The following CAPN15 variants were observed in gnomAD, a reference collection of about 807,000 sequenced individuals.
CAPN15 encodes the protein calpain-15.
CAPN15 carries 53 observed loss-of-function variants against 97.9 expected under a neutral mutation model. The observed-to-expected ratio is 0.54, with a 90% confidence interval of 0.43 to 0.68. The LOEUF is 0.68. Ranked by LOEUF, CAPN15 falls within the 30% of genes least tolerant of loss-of-function variation. CAPN15 has a pLI of 0.00. For missense variants in CAPN15, 1,592 were observed against 1,589.8 expected (o/e 1.00, Z -0.02); for synonymous variants, 922 against 722.5 (o/e 1.28, Z -4.43).
In CAPN15 at chr16:547,671, C is replaced by CGGGCT. The variant is rs758912826; in HGVS notation, c.842_846dup (p.Ala283LeufsTer6). On this transcript the variant is annotated frameshift_variant, in exon 4 of 14. Coordinates refer to ENST00000219611, the MANE Select transcript of CAPN15 (RefSeq NM_005632.3). LOFTEE classifies it high-confidence loss of function. ...GGCTGCAGGGGAGCCCCCCAGGGCT[C>CGGGCT]GGGCTGGGCTGGGGCCTCCCGCCTA... 3 of 1,581,692 alleles carry CGGGCT rather than the reference C, an allele frequency of 1.9e-6. No homozygotes were observed. The highest frequency in any genetic ancestry group is 2.6e-6 in the Non-Finnish European group (3 of 1,162,968).
chr16:539,898 T>G, intron 3 of CAPN15: 1 of 165,222 alleles, frequency 6.1e-6, no homozygotes, highest in Non-Finnish European at 1.2e-5. Context: ...CCGGGGGGTG[T>G]CCTAGGGCCC....
In CAPN15 at chr16:552,384, G is replaced by A; in HGVS notation, c.2591G>A (p.Ser864Asn). ...ACGTTCGGCAGCGGCGGCCACCTCA[G>A]CCTGGGCCGCCTCCTGGCCCACAGT... ...RATFGSGGHL[S>N]LGRLLAHSKR... Residue 864 changes from serine (S) to asparagine (N), a missense_variant, in exon 11 of 14, where the codon AGC (serine) becomes AAC (asparagine). By Grantham distance (46) the Ser-to-Asn change is conservative. Around this residue, in one of 3 missense-constraint regions of CAPN15, gnomAD observed 644 missense variants for 699.6 expected, o/e 0.92. Transcript: ENST00000219611. The surrounding 1 kb of genome is among the most constrained non-coding windows in gnomAD (Gnocchi z 6.4). The A allele has an allele frequency of 6.2e-7, 1 of 1,604,448 alleles. No homozygotes were observed. The highest frequency in any genetic ancestry group is 8.5e-7 in the Non-Finnish European group (1 of 1,178,188).
intron 3 of CAPN15, among the ~76,000 whole-genome samples, chr16:542,697 C>T (rs891690926): frequency 1.3e-5 from 2 of 152,174 alleles, no homozygotes; most frequent in Admixed American, 6.5e-5. Flanking sequence ...AAGAGAACCT[C>T]CCATCTCAGC....
Position 553,476 on chromosome 16 carries a change from C to G in CAPN15, c.3221C>G (p.Thr1074Arg). 1.2e-6 allele frequency: 2 copies of G among 1,611,004 alleles called. No homozygotes were observed. The highest frequency in any genetic ancestry group is 1.1e-5 in the South Asian group (1 of 90,948). Reference sequence around the variant, plus strand: ...AAGGGGACCCACAGCCCCCCACTCACGCCAGAGGTCGCCGGTCTGCATGGG... The same window carrying G: ...AAGGGGACCCACAGCCCCCCACTCAGGCCAGAGGTCGCCGGTCTGCATGGG... ...ASKGTHSPPL[T>R]PEVAGLHGPR... is the part of the protein sequence containing the mutation. Residue 1074 changes from threonine (T) to arginine (R), a missense_variant, in exon 14 of 14, where the codon ACG (threonine) becomes AGG (arginine). Around this residue, in one of 3 missense-constraint regions of CAPN15, gnomAD observed 644 missense variants for 699.6 expected, o/e 0.92. Transcript: ENST00000219611.
rs1215423100 is a variant in CAPN15 at position 546,929 on chromosome 16, C to T, written c.91C>T (p.His31Tyr). The T allele has an allele frequency of 1.9e-6, 3 of 1,610,942 alleles. No individual in the cohort carries two copies. The highest frequency in any genetic ancestry group is 2.5e-6 in the Non-Finnish European group (3 of 1,179,894). ...GTGCTCCATCTGCGAGGCTCCCCGG[C>T]ACAAGCCCGACCTCAACCACATCCT... ...RQCSICEAPR[H>Y]KPDLNHILRL... is the part of the protein sequence containing the mutation. The change falls in exon 4 of 14, where the codon CAC becomes TAC. Residue 31 changes from histidine (H) to tyrosine (Y), a missense_variant. His to Tyr is a moderately conservative substitution (Grantham distance 83, BLOSUM62 2). Coordinates refer to ENST00000219611, the MANE Select transcript of CAPN15 (RefSeq NM_005632.3).
At chr16:550,729 TCCCCGTCGGTG>T (rs2034945446) in intron 7 of CAPN15, among the ~76,000 whole-genome samples, 1 of 26,608 alleles carries the variant, frequency 3.8e-5, no homozygotes, top group African/African-American at 1.6e-4. Flanking sequence ...TCGGTGAGGG[TCCCCGTCGGTG>T]AGGGTCCCGG....
intron 9 of CAPN15, 102 bp downstream of exon 9, chr16:551,766 C>T (rs528265128): frequency 1.3e-4 from 195 of 1,465,874 alleles, no homozygotes; most frequent in East Asian, 3.0e-4. Flanking sequence ...TGGGGTGGGG[C>T]GGCTTGTTCG....
intron 3 of CAPN15, among the ~76,000 whole-genome samples, chr16:541,682 G>A (rs1001367591): frequency 4.6e-5 from 7 of 152,242 alleles, no homozygotes; most frequent in South Asian, 2.1e-4. Flanking sequence ...TTGTGCAGCC[G>A]TCATTGCAAT....
chr16:553,327 C>A lies in CAPN15; in HGVS notation c.3084-12C>A. On this transcript the variant is annotated splice_polypyrimidine_tract_variant and intron_variant, in intron 13 of 13. Transcript: ENST00000219611. ...CTGCCCTCCACAGGTCCTCACCGGT[C>A]CCCTCCCCCAGGCAGGTCCTGGTGA... 1 of 1,575,990 alleles carries A rather than the reference C, an allele frequency of 6.3e-7. No individual in the cohort carries two copies. The highest frequency in any genetic ancestry group is 1.1e-5 in the South Asian group (1 of 89,118).
At position 552,253 on chromosome 16, in the gene CAPN15, C is replaced by G; in HGVS notation, c.2507+41C>G. ...CCCCATCGGGCTGGGCTGGGCTAGG[C>G]TGGCGGCCGTGACCACGCGTGACCC... On this transcript the variant is annotated intron_variant, in intron 10 of 13. Coordinates refer to ENST00000219611, the MANE Select transcript of CAPN15 (RefSeq NM_005632.3). This position sits in a 1 kb window ranked among gnomAD's most constrained non-coding sequence, Gnocchi z 6.4. 1 of 1,534,730 alleles carries G rather than the reference C, an allele frequency of 6.5e-7. No individual in the cohort carries two copies. Among genetic ancestry groups the G allele is most frequent in the Non-Finnish European group, 8.8e-7 (1 of 1,139,948 alleles).
At position 533,070 on chromosome 16, in the gene CAPN15, A is replaced by C. The variant is rs188958532; in HGVS notation, c.-189-876A>C. On this transcript the variant is annotated intron_variant, in intron 1 of 13. Transcript: ENST00000219611. Reference sequence around the variant, plus strand: ...ACCTCGTCTTTACTAAAAATACAAAAATTAGCTGGGCACGGTGGCGGGCGC... The same window carrying C: ...ACCTCGTCTTTACTAAAAATACAAACATTAGCTGGGCACGGTGGCGGGCGC... Among the ~76,000 whole-genome samples the C allele has an allele frequency of 1.8e-3, 273 of 151,018 alleles. 2 individuals carry two copies. Among genetic ancestry groups the C allele is most frequent in the Admixed American group, 0.018 (269 of 15,150 alleles).
In CAPN15 at chr16:553,524, GC is replaced by G; in HGVS notation, c.*10del. ...GGGCCCCGACCGCTGTGACCACCATGCCTGGGGCAGGGGCTGTGCACAGACG... is the reference window on the plus strand; with the variant it reads ...GGGCCCCGACCGCTGTGACCACCATGCTGGGGCAGGGGCTGTGCACAGACG... On this transcript the variant is annotated 3_prime_UTR_variant, in exon 14 of 14. Transcript: ENST00000219611. 1.3e-6 allele frequency: 2 copies of G among 1,595,432 alleles called. No homozygotes were observed. Among genetic ancestry groups the G allele is most frequent in the Non-Finnish European group, 1.7e-6 (2 of 1,168,468 alleles).
rs1389400026 is a variant in CAPN15, at chr16:552,004, G to A, written c.2346-47G>A. The A allele has an allele frequency of 7.2e-6, 11 of 1,527,080 alleles. No homozygotes were observed. The highest frequency in any genetic ancestry group is 4.0e-5 in the Admixed American group (2 of 50,312). 94.6% of individuals were successfully genotyped at this position (1,527,080 alleles called of 1,614,324 possible). On this transcript the variant is annotated intron_variant, in intron 9 of 13. Coordinates refer to ENST00000219611, the MANE Select transcript of CAPN15 (RefSeq NM_005632.3). This position sits in a 1 kb window ranked among gnomAD's most constrained non-coding sequence, Gnocchi z 6.4. ...TTGCGGTAGGCGCTGAGCCACGGAG[G>A]TGTGGGCCGTGGTAGGCTCAGGGCC...
At chr16:551,063 TCGGTGAGGTCCCCG>T (rs2035020160) in intron 7 of CAPN15, among the ~76,000 whole-genome samples, 3 of 111,252 alleles carry the variant, frequency 2.7e-5, no homozygotes, top group South Asian at 3.2e-4. Context: ...GGGTCCCCGG[TCGGTGAGGTCCCCG>T]GTCGGTGAGG....
chr16:544,901 C>T (rs1013759431), intron 3 of CAPN15, among the ~76,000 whole-genome samples: 4 of 143,734 alleles, frequency 2.8e-5, no homozygotes, highest in South Asian at 2.3e-4. Context: ...CCCACGTCGT[C>T]GTCTCCCCTC....
chr16:549,523 A>G lies in CAPN15; in HGVS notation c.1842+52A>G, dbSNP rs746088200. ...GGCGGCAGGGGCAGCCTCTGACCCCAGCCCCGAAAACAAGGCCGGCTGCTT... is the reference window on the plus strand; with the variant it reads ...GGCGGCAGGGGCAGCCTCTGACCCCGGCCCCGAAAACAAGGCCGGCTGCTT... On this transcript the variant is annotated intron_variant, in intron 6 of 13. Coordinates refer to ENST00000219611, the MANE Select transcript of CAPN15 (RefSeq NM_005632.3). The G allele has an allele frequency of 3.9e-6, 5 of 1,272,338 alleles. No homozygotes were observed. In the South Asian group the frequency reaches 6.2e-5, roughly 16 times the overall value. 78.8% of individuals were successfully genotyped at this position (1,272,338 alleles called of 1,614,324 possible). A position where few individuals can be genotyped will look rare whatever the true frequency, so the allele number is the denominator to read the frequency against.
Position 554,352 on chromosome 16 carries a change from C to T in CAPN15, c.*836C>T. 1 of 372,718 alleles carries T rather than the reference C, an allele frequency of 2.7e-6. No homozygotes were observed. The allele number at this position is 372,718 out of a possible 1,614,324, so 23.1% of individuals were successfully genotyped here. On this transcript the variant is annotated 3_prime_UTR_variant, in exon 14 of 14. Transcript: ENST00000219611. Reference sequence around the variant, plus strand: ...ACGTCTGAGCCCAGCTTTCTGCGTGCCCTCCTGGCCCCTCACTCCCGGCAG... The same window carrying T: ...ACGTCTGAGCCCAGCTTTCTGCGTGTCCTCCTGGCCCCTCACTCCCGGCAG...
Position 549,366 on chromosome 16 carries a change from A to G in CAPN15, c.1737A>G (p.Ala579=). The G allele has an allele frequency of 6.3e-7, 1 of 1,598,102 alleles. No homozygotes were observed. Among genetic ancestry groups the G allele is most frequent in the Non-Finnish European group, 8.5e-7 (1 of 1,178,372 alleles). Residue 579 remains alanine, a synonymous_variant, in exon 6 of 14, where the codon GCA becomes GCG. Coordinates refer to ENST00000219611, the MANE Select transcript of CAPN15 (RefSeq NM_005632.3). ...ERVMVTRSLC[A]EGAYQVRLCK... is the part of the protein sequence containing the mutation. Reference sequence around the variant, plus strand: ...TGATGGTCACGCGCAGCCTGTGTGCAGAGGGCGCCTACCAGGTGCGGCTGT... The same window carrying G: ...TGATGGTCACGCGCAGCCTGTGTGCGGAGGGCGCCTACCAGGTGCGGCTGT...
intron 13 of CAPN15, 127 bp from the exon 14 acceptor site, chr16:553,212 C>G: frequency 2.3e-6 from 1 of 435,158 alleles, no homozygotes; most frequent in South Asian, 2.0e-5. Flanking sequence ...TGTGCTCATA[C>G]CCCTGCCCCC....
Sources: gnomAD v4.1 joint callset for allele counts (sites outside exome capture counted in the v4.1 genomes callset) on GRCh38, gnomAD v4.1.1 for gene constraint, gnomAD v4.1.1 regional missense constraint, Gnocchi (gnomAD v3.1) non-coding constraint, MANE v1.5 for transcripts, NCBI Gene and HGNC (gene_info 2026-07-23, HGNC 2026-07-21) for gene names.